Variants in MAP3K15 observed in about 807,000 individuals in gnomAD.
The protein encoded by MAP3K15 is MAPK/ERK kinase kinase 15.
A neutral mutation model predicts 99.5 loss-of-function variants in MAP3K15; 124 were observed. The observed-to-expected ratio is 1.25, with a 90% confidence interval of 1.08 to 1.45. MAP3K15 has a LOEUF of 1.45. MAP3K15 is among the 40% of genes most tolerant of loss of function. MAP3K15 has a pLI of 0.00. For missense variants in MAP3K15, 1,242 were observed against 1,079.7 expected (o/e 1.15, Z -2.11); for synonymous variants, 494 against 439.6 (o/e 1.12, Z -1.55).
intron 3 of MAP3K15, among the ~76,000 whole-genome samples, chrX:19,468,746 T>G (rs941608596): frequency 3.6e-5 from 4 of 111,858 alleles, no homozygotes; most frequent in African/African-American, 1.3e-4. Flanking sequence ...TTCCTACCCA[T>G]GAGCATGGAA....
At chrX:19,399,099 G>C (rs1208386761) in intron 14 of MAP3K15, among the ~76,000 whole-genome samples, 1 of 112,142 alleles carries the variant, frequency 8.9e-6, no homozygotes, top group Non-Finnish European at 1.9e-5. Context: ...GCGGGTATGT[G>C]GGTGTCCTTT....
intron 3 of MAP3K15, among the ~76,000 whole-genome samples, chrX:19,472,506 G>T (rs2064215164): frequency 9.0e-6 from 1 of 111,052 alleles, no homozygotes; most frequent in South Asian, 3.7e-4. Context: ...AACAGCAAAA[G>T]GATATTGGTA....
At chrX:19,484,953 C>G (rs367829403) in intron 3 of MAP3K15, among the ~76,000 whole-genome samples, 14 of 111,487 alleles carry the variant, frequency 1.3e-4, no homozygotes, top group African/African-American at 4.6e-4. Flanking sequence ...ACAACTGCAC[C>G]TCCTGGGCCT....
chrX:19,366,372 C>T (rs1186845824), intron 25 of MAP3K15, among the ~76,000 whole-genome samples: 1 of 111,816 alleles, frequency 8.9e-6, no homozygotes, highest in Non-Finnish European at 1.9e-5. Flanking sequence ...CTTCCTTTGG[C>T]TCTGCCCAAC....
Position 19,436,509 on chromosome X carries a change from C to G in MAP3K15, c.996-4901G>C, listed in dbSNP as rs185148930. Among the ~76,000 whole-genome samples, 3 of 111,383 alleles carry G rather than the reference C, an allele frequency of 2.7e-5. No homozygotes were observed. The East Asian group carries it at 8.5e-4, about 31-fold the overall frequency. On this transcript the variant is annotated intron_variant, in intron 6 of 28. Coordinates refer to ENST00000338883, the MANE Select transcript of MAP3K15 (RefSeq NM_001001671.4). ...CTTTCTTGGTAACTACCCTAGATCC[C>G]TTGATCATCCATTGCCATGACTTTT... is the stretch of plus-strand genomic sequence containing the variant.
chrX:19,459,622 G>A (rs1020190401), intron 5 of MAP3K15, among the ~76,000 whole-genome samples: 16 of 112,419 alleles, frequency 1.4e-4, no homozygotes, highest in African/African-American at 4.5e-4. Context: ...GGCCGAGGCG[G>A]GTGGATCACC....
rs1294651282 is a variant in MAP3K15 at position 19,489,032 on chromosome X, T to C, written c.362-65A>G. ...TCTGTCTACTTCATCTACTCACTGG[T>C]GATCACCAGTGAGGAGCTATAGCAA... On this transcript the variant is annotated intron_variant, in intron 1 of 28. Coordinates refer to ENST00000338883, the MANE Select transcript of MAP3K15 (RefSeq NM_001001671.4). The C allele has an allele frequency of 4.9e-6, 5 of 1,021,797 alleles. No homozygotes were observed. In the African/African-American group the frequency reaches 5.6e-5, roughly 11 times the overall value. The allele number at this position is 1,021,797 out of a possible 1,213,427, so 84.2% of individuals were successfully genotyped here. A position where few individuals can be genotyped will look rare whatever the true frequency, so the allele number is the denominator to read the frequency against.
chrX:19,497,304 G>A, intron 1 of MAP3K15: 1 of 109,293 alleles, frequency 9.1e-6, no homozygotes, highest in Non-Finnish European at 1.9e-5. Context: ...TGGTATCACA[G>A]GCATGCGCCA....
intron 1 of MAP3K15, among the ~76,000 whole-genome samples, chrX:19,507,601 A>AAAAAAAAAAG: frequency 9.6e-6 from 1 of 103,740 alleles, no homozygotes; most frequent in African/African-American, 3.5e-5. Context: ...AAAAAAAAAA[A>AAAAAAAAAAG]AAAAAAAAAG....
At position 19,392,445 on chromosome X, in the gene MAP3K15, T is replaced by C; in HGVS notation, c.2223A>G (p.Lys741=). 1 of 1,210,095 alleles carries C rather than the reference T, an allele frequency of 8.3e-7. No homozygotes were observed. The highest frequency in any genetic ancestry group is 3.0e-5 in the East Asian group (1 of 33,790). The change falls in exon 17 of 29, where the codon AAA becomes AAG. Residue 741 remains lysine, a synonymous_variant. Transcript: ENST00000338883. The part of the protein sequence containing the change: ...GGSLSALLRS[K]WGPMKEPTIK... ...TTGTCGGTTCCTTCATCGGCCCCCATTTGGATCGCAGAAGAGCAGAAAGGC... is the reference window on the plus strand; with the variant it reads ...TTGTCGGTTCCTTCATCGGCCCCCACTTGGATCGCAGAAGAGCAGAAAGGC...
intron 7 of MAP3K15, among the ~76,000 whole-genome samples, chrX:19,430,149 T>G (rs1456935436): frequency 8.9e-6 from 1 of 112,392 alleles, no homozygotes; most frequent in African/African-American, 3.2e-5. Flanking sequence ...TCCACCCTTT[T>G]GAATGTGGGC....
At chrX:19,419,375 C>G (rs1213324305) in intron 9 of MAP3K15, among the ~76,000 whole-genome samples, 4 of 109,006 alleles carry the variant, frequency 3.7e-5, no homozygotes, top group African/African-American at 1.3e-4. Context: ...CAAAAAAAGG[C>G]AGGGGTTGCA....
At chrX:19,394,789 CTTTTTTTTTTT>C (rs144723219) in intron 16 of MAP3K15, among the ~76,000 whole-genome samples, 1 of 17,524 alleles carries the variant, frequency 5.7e-5, no homozygotes, top group African/African-American at 1.4e-4. Flanking sequence ...GGGTCTGTTG[CTTTTTTTTTTT>C]TTTTTTTTTT....
At chrX:19,363,656 G>GTTT (rs775799924) in intron 25 of MAP3K15, among the ~76,000 whole-genome samples, 7 of 93,918 alleles carry the variant, frequency 7.5e-5, no homozygotes, top group African/African-American at 2.2e-4. Context: ...TTTTGTTTTT[G>GTTT]TTTTTTTTTT....
chrX:19,486,499 C>T lies in MAP3K15; in HGVS notation c.508G>A (p.Val170Ile). 1.1e-6 allele frequency: 1 copy of T among 885,612 alleles called. No individual in the cohort carries two copies. The highest frequency in any genetic ancestry group is 1.5e-6 in the Non-Finnish European group (1 of 657,899). The allele number at this position is 885,612 out of a possible 1,213,427, so 73.0% of individuals were successfully genotyped here. Residue 170 changes from valine (V) to isoleucine (I), a missense_variant, in exon 3 of 29, where the codon GTA becomes ATA. Physicochemically the swap from Val to Ile is conservative, Grantham distance 29 (BLOSUM62 3). Transcript: ENST00000338883. ...ATACTTACTGTGTTTTTTTGAGTTA[C>T]CATGTCCTGAAAAGAAAAAGAAAAG... ...ADTALSLKDM[V>I]TQKNTASSGN...
In MAP3K15 at chrX:19,385,812, G is replaced by GAA. The variant is rs754905425; in HGVS notation, c.2432-5537_2432-5536dup. Among the ~76,000 whole-genome samples, 908 of 109,122 alleles carry GAA rather than the reference G, an allele frequency of 8.3e-3. 2 individuals are homozygous for GAA. The highest frequency in any genetic ancestry group is 0.029 in the African/African-American group (867 of 29,970). The allele number at this position is 109,122 out of a possible 115,157, so 94.8% of individuals were successfully genotyped here. A position where few individuals can be genotyped will look rare whatever the true frequency, so the allele number is the denominator to read the frequency against. On this transcript the variant is annotated intron_variant, in intron 18 of 28. Transcript: ENST00000338883. ...ACTACATCAAGAAGAAGCGCTGCTG[G>GAA]AAAAAAAAAGCTGCCTGAATAAGAG... is the stretch of plus-strand genomic sequence containing the variant.
intron 16 of MAP3K15, among the ~76,000 whole-genome samples, chrX:19,393,155 G>A (rs148322657): frequency 8.9e-6 from 1 of 111,841 alleles, no homozygotes; most frequent in Non-Finnish European, 1.9e-5. Flanking sequence ...ACTGCGGGAT[G>A]TCCTGTCCAT....
At chrX:19,402,014 G>A (rs1189929545) in intron 13 of MAP3K15, among the ~76,000 whole-genome samples, 1 of 112,123 alleles carries the variant, frequency 8.9e-6, no homozygotes, top group Admixed American at 9.5e-5. Flanking sequence ...TCAGCCAGGT[G>A]TAGTGGCTCA....
intron 14 of MAP3K15, among the ~76,000 whole-genome samples, chrX:19,399,739 CAAAAAAAAAAAAA>C (rs777947449): frequency 8.5e-5 from 3 of 35,496 alleles, no homozygotes; most frequent in Middle Eastern, 0.014. Flanking sequence ...ACTCTGTTTC[CAAAAAAAAAAAAA>C]AAAAAAAAAA....
Sources: gnomAD v4.1 joint callset for allele counts (sites outside exome capture counted in the v4.1 genomes callset) on GRCh38, gnomAD v4.1.1 for gene constraint, MANE v1.5 for transcripts, NCBI Gene and HGNC (gene_info 2026-07-23, HGNC 2026-07-21) for gene names.